Variants in EXOC4 observed in about 807,000 individuals in gnomAD.
EXOC4 encodes exocyst complex component 4, also known as SEC8-like 1.
In EXOC4, 71 loss-of-function variants were observed where a neutral mutation model predicts 107.2. The ratio of observed to expected loss-of-function variants is 0.66; its 90% CI spans 0.55 to 0.81. The LOEUF is 0.81. EXOC4 is among the 30% of genes least tolerant of loss of function. The pLI, the probability that EXOC4 is intolerant of heterozygous loss-of-function variation, is 0.00. For missense variants in EXOC4, 1,108 were observed against 1,189.6 expected (o/e 0.93, Z 1.01); for synonymous variants, 456 against 441.2 (o/e 1.03, Z -0.42).
intron 11 of EXOC4, among the ~76,000 whole-genome samples, chr7:133,841,827 C>G (rs929847026): frequency 6.6e-6 from 1 of 152,180 alleles, no homozygotes; most frequent in Non-Finnish European, 1.5e-5. Flanking sequence ...CCACCACCCT[C>G]AAGTAGGTCC....
At position 133,305,997 on chromosome 7, in the gene EXOC4, C is replaced by T. The variant is rs755862799; in HGVS notation, c.592C>T (p.Arg198Trp). 5.6e-6 allele frequency: 9 copies of T among 1,613,626 alleles called. No individual in the cohort carries two copies. The highest frequency in any genetic ancestry group is 2.2e-5 in the East Asian group (1 of 44,858). The change falls in exon 4 of 18, where the codon CGG becomes TGG. Residue 198 changes from arginine (R) to tryptophan (W), a missense_variant. Arg to Trp is a moderately radical substitution (Grantham distance 101). Transcript: ENST00000253861. ...LHLVLIDELH[R>W]HLYIKSTSRV... ...CTTGGTTCTCATAGATGAACTACAC[C>T]GGCACCTGTACATCAAATCGACTAG...
chr7:133,414,993 G>C (rs2150750657), intron 7 of EXOC4, among the ~76,000 whole-genome samples: 1 of 152,210 alleles, frequency 6.6e-6, no homozygotes, highest in East Asian at 1.9e-4. Flanking sequence ...CTGTCTCTAT[G>C]TATTTGCCTA....
chr7:133,343,114 G>T (rs1472056882), intron 5 of EXOC4, among the ~76,000 whole-genome samples: 2 of 152,122 alleles, frequency 1.3e-5, no homozygotes, highest in African/African-American at 4.8e-5. Context: ...CATATTACCA[G>T]AATTGTTTTT....
At chr7:133,594,777 C>A (rs912184440) in intron 9 of EXOC4, among the ~76,000 whole-genome samples, 5 of 152,082 alleles carry the variant, frequency 3.3e-5, no homozygotes, top group Non-Finnish European at 5.9e-5. Context: ...CAGGCATGTA[C>A]CAGTGCTCCC....
chr7:134,089,397 T>C, the EXOC4 span, among the ~76,000 whole-genome samples: 1 of 152,226 alleles, frequency 6.6e-6, no homozygotes, highest in Non-Finnish European at 1.5e-5. Context: ...CATGTTACAC[T>C]ATTAACTCTT....
chr7:133,965,914 G>A (rs1465642109), intron 14 of EXOC4, among the ~76,000 whole-genome samples: 1 of 152,180 alleles, frequency 6.6e-6, no homozygotes, highest in African/African-American at 2.4e-5. Context: ...ATTACTTTGG[G>A]CAGTATGGCC....
At chr7:134,042,865 C>T (rs565422952) in intron 17 of EXOC4, among the ~76,000 whole-genome samples, 18 of 152,174 alleles carry the variant, frequency 1.2e-4, no homozygotes, top group African/African-American at 2.2e-4. Context: ...GGCAAAACCC[C>T]GTGTGTAGTA....
chr7:133,997,658 C>G (rs1485504853), intron 15 of EXOC4, 25 bp downstream of exon 15: 2 of 1,607,180 alleles, frequency 1.2e-6, no homozygotes, highest in African/African-American at 2.7e-5. Flanking sequence ...AGCCCAGGAC[C>G]TTGCAATTTG....
chr7:134,091,713 A>T, the EXOC4 span, among the ~76,000 whole-genome samples: 1 of 152,338 alleles, frequency 6.6e-6, no homozygotes, highest in Non-Finnish European at 1.5e-5. Flanking sequence ...TGTGGAAAGT[A>T]AATTTATAAG....
chr7:133,402,879 A>G (rs1239961663), intron 7 of EXOC4, among the ~76,000 whole-genome samples: 1 of 143,586 alleles, frequency 7.0e-6, no homozygotes, highest in African/African-American at 2.7e-5. Flanking sequence ...CAAGAGCCTA[A>G]TATTTTTTTT....
intron 9 of EXOC4, among the ~76,000 whole-genome samples, chr7:133,500,935 A>G (rs1799563516): frequency 6.6e-6 from 1 of 152,156 alleles, no homozygotes; most frequent in Admixed American, 6.5e-5. Context: ...GTGAGAATTC[A>G]TCTAGACCTC....
intron 10 of EXOC4, among the ~76,000 whole-genome samples, chr7:133,718,404 A>G (rs1368701864): frequency 1.3e-5 from 2 of 152,176 alleles, no homozygotes; most frequent in African/African-American, 4.8e-5. Flanking sequence ...ATGCCTTTAG[A>G]CTGATGTGAA....
chr7:133,620,046 A>G (rs1048094062), intron 9 of EXOC4, among the ~76,000 whole-genome samples: 1 of 151,700 alleles, frequency 6.6e-6, no homozygotes, highest in African/African-American at 2.4e-5. Flanking sequence ...GTTTTGAGAC[A>G]GAGTCTCCCT....
At chr7:133,265,631 G>GA (rs943706097) in intron 1 of EXOC4, among the ~76,000 whole-genome samples, 7 of 152,150 alleles carry the variant, frequency 4.6e-5, no homozygotes, top group Admixed American at 3.9e-4. Flanking sequence ...TTGGATATGT[G>GA]AAGCTCTACT....
At chr7:133,756,051 C>T (rs1287588078) in intron 10 of EXOC4, among the ~76,000 whole-genome samples, 1 of 152,198 alleles carries the variant, frequency 6.6e-6, no homozygotes, top group East Asian at 1.9e-4. Context: ...GTTCCATACC[C>T]TCCAGCTCTT....
At chr7:133,862,028 T>G (rs1798544101) in intron 11 of EXOC4, among the ~76,000 whole-genome samples, 1 of 152,172 alleles carries the variant, frequency 6.6e-6, no homozygotes. Flanking sequence ...CTCTGATGAT[T>G]ACACATAAAA....
the EXOC4 span, among the ~76,000 whole-genome samples, chr7:134,074,084 C>T: frequency 6.6e-6 from 1 of 152,198 alleles, no homozygotes; most frequent in Non-Finnish European, 1.5e-5. Flanking sequence ...GCACTGTGAG[C>T]TGGATGTCGT....
intron 10 of EXOC4, among the ~76,000 whole-genome samples, chr7:133,814,667 C>T (rs1370073912): frequency 6.6e-6 from 1 of 152,200 alleles, no homozygotes; most frequent in Non-Finnish European, 1.5e-5. Flanking sequence ...CCTCTTTCTT[C>T]ACACTTATAG....
At chr7:134,021,776 A>T (rs546661750) in intron 17 of EXOC4, among the ~76,000 whole-genome samples, 4 of 150,626 alleles carry the variant, frequency 2.7e-5, no homozygotes, top group Admixed American at 6.6e-5. Context: ...CTCTTGATTG[A>T]CTTCTTTCTC....
Sources: allele counts gnomAD v4.1 joint callset (sites outside exome capture counted in the v4.1 genomes callset), GRCh38; gene constraint gnomAD v4.1.1; transcripts MANE v1.5; gene names NCBI Gene and HGNC (gene_info 2026-07-23, HGNC 2026-07-21).